The following GRIP1 variants were observed in gnomAD, a reference collection of about 807,000 sequenced individuals.
The protein encoded by GRIP1 is glutamate receptor interacting protein 1.
In GRIP1, 45 loss-of-function variants were observed where a neutral mutation model predicts 129.9. That is an observed-to-expected ratio of 0.35 (90% CI 0.27 to 0.44). GRIP1 has a LOEUF of 0.44. Ranked by LOEUF, GRIP1 falls within the 20% of genes least tolerant of loss-of-function variation. The pLI is 1.00. For missense variants in GRIP1, 1,196 were observed against 1,396.8 expected (o/e 0.86, Z 2.29); for synonymous variants, 530 against 520.8 (o/e 1.02, Z -0.24).
intron 9 of GRIP1, among the ~76,000 whole-genome samples, chr12:66,458,231 C>G (rs2059024830): frequency 6.6e-6 from 1 of 152,046 alleles, no homozygotes; most frequent in South Asian, 2.1e-4. Flanking sequence ...TCTCCACTTT[C>G]CTACTTCAAG....
At chr12:66,856,108 A>T (rs971356444) in intron 1 of GRIP1, among the ~76,000 whole-genome samples, 3 of 152,138 alleles carry the variant, frequency 2.0e-5, no homozygotes, top group African/African-American at 2.4e-5. Context: ...CCTGACAAAA[A>T]CAAGAAATGG....
At chr12:66,623,193 T>C (rs2065350380) in intron 1 of GRIP1, among the ~76,000 whole-genome samples, 1 of 152,200 alleles carries the variant, frequency 6.6e-6, no homozygotes, top group Admixed American at 6.5e-5. Flanking sequence ...GCATAACATT[T>C]AGAGATATAG....
At chr12:66,982,450 A>G (rs2042252749) in intron 1 of GRIP1, among the ~76,000 whole-genome samples, 1 of 152,156 alleles carries the variant, frequency 6.6e-6, no homozygotes, top group African/African-American at 2.4e-5. Flanking sequence ...AAGTGTTGTA[A>G]CTTTGCTTCC....
intron 16 of GRIP1, among the ~76,000 whole-genome samples, chr12:66,399,939 C>T (rs973103013): frequency 6.6e-6 from 1 of 151,904 alleles, no homozygotes. Context: ...TACTGCTGCA[C>T]GGTCATTTTA....
At chr12:66,935,229 T>C (rs1217977515) in intron 1 of GRIP1, among the ~76,000 whole-genome samples, 1 of 152,086 alleles carries the variant, frequency 6.6e-6, no homozygotes, top group African/African-American at 2.4e-5. Flanking sequence ...TAAGTTTCTG[T>C]TTGTTGTATA....
At chr12:66,466,524 A>G (rs574983351) in intron 7 of GRIP1, among the ~76,000 whole-genome samples, 20 of 152,332 alleles carry the variant, frequency 1.3e-4, no homozygotes, top group Admixed American at 1.2e-3. Context: ...TTTTCACAAT[A>G]TTTGTGTCAT....
chr12:66,798,152 C>T (rs914501669), intron 1 of GRIP1, among the ~76,000 whole-genome samples: 1 of 152,018 alleles, frequency 6.6e-6, no homozygotes, highest in Non-Finnish European at 1.5e-5. Context: ...AAATAGAAGC[C>T]TTGGTGATCT....
Position 66,348,135 on chromosome 12 carries a change from C to G in GRIP1, c.*884G>C, listed in dbSNP as rs2054058878. On this transcript the variant is annotated 3_prime_UTR_variant, in exon 25 of 25. Coordinates refer to ENST00000359742, the MANE Select transcript of GRIP1 (RefSeq NM_001366722.1). ...ATTTTTAAGTACATGTGCTGTACAC[C>G]CTCAATATTACCAGTTTTCAAAACA... 6.6e-6 allele frequency: 1 copy of G among 151,898 alleles called. No individual in the cohort carries two copies. The highest frequency in any genetic ancestry group is 1.5e-5 in the Non-Finnish European group (1 of 67,992). 9.4% of individuals were successfully genotyped at this position (151,898 alleles called of 1,614,324 possible).
At chr12:66,849,193 A>T (rs2039868987) in intron 1 of GRIP1, among the ~76,000 whole-genome samples, 1 of 151,990 alleles carries the variant, frequency 6.6e-6, no homozygotes, top group African/African-American at 2.4e-5. Flanking sequence ...TCAGTGCTGG[A>T]CTCACTCACA....
chr12:66,650,074 G>T (rs1408927497), intron 1 of GRIP1, among the ~76,000 whole-genome samples: 2 of 152,086 alleles, frequency 1.3e-5, no homozygotes, highest in Admixed American at 6.5e-5. Context: ...CGTGCCCAAC[G>T]GCAGCTGAAT....
At chr12:66,551,086 T>A (rs772020013) in intron 2 of GRIP1, among the ~76,000 whole-genome samples, 20 of 152,226 alleles carry the variant, frequency 1.3e-4, no homozygotes, top group Non-Finnish European at 2.8e-4. Flanking sequence ...TTGAATTTAA[T>A]TACTCTGATT....
At chr12:66,812,550 G>C (rs1287224638) in intron 1 of GRIP1, among the ~76,000 whole-genome samples, 1 of 152,218 alleles carries the variant, frequency 6.6e-6, no homozygotes, top group African/African-American at 2.4e-5. Flanking sequence ...TATGCGGTAG[G>C]TGTGAAACAG....
intron 1 of GRIP1, among the ~76,000 whole-genome samples, chr12:66,730,788 T>C (rs945482640): frequency 1.7e-4 from 26 of 151,806 alleles, no homozygotes; most frequent in Admixed American, 8.5e-4. Flanking sequence ...TACTGAACTG[T>C]TATGCAGGAA....
chr12:66,764,753 A>G (rs17102885), intron 1 of GRIP1, among the ~76,000 whole-genome samples: 1 of 152,072 alleles, frequency 6.6e-6, no homozygotes, highest in Non-Finnish European at 1.5e-5. Context: ...CCAGCCATAA[A>G]GAATGTCACT....
intron 5 of GRIP1, among the ~76,000 whole-genome samples, chr12:66,518,328 G>A (rs1431677390): frequency 6.6e-6 from 1 of 151,878 alleles, no homozygotes; most frequent in Non-Finnish European, 1.5e-5. Flanking sequence ...CAATCAAACT[G>A]ATCTAAAATA....
chr12:66,416,345 A>C (rs2057602809), intron 15 of GRIP1, among the ~76,000 whole-genome samples: 1 of 152,182 alleles, frequency 6.6e-6, no homozygotes, highest in Non-Finnish European at 1.5e-5. Context: ...ATGCATCTTA[A>C]AGAATCAGAA....
Position 66,371,931 on chromosome 12 carries a change from T to C in GRIP1, c.2779-4A>G, listed in dbSNP as rs2055527777. 4 of 1,587,154 alleles carry C rather than the reference T, an allele frequency of 2.5e-6. No homozygotes were observed. The highest frequency in any genetic ancestry group is 3.5e-6 in the Non-Finnish European group (4 of 1,159,126). ...TGCTCCCCGACATGATTGTTGCCTG[T>C]GGCATTGACAATTTTTAGAAACAAT... On this transcript the variant is annotated splice_region_variant and splice_polypyrimidine_tract_variant and intron_variant, in intron 22 of 24. Transcript: ENST00000359742.
chr12:66,809,662 CTTT>C (rs774288663), intron 1 of GRIP1, among the ~76,000 whole-genome samples: 5 of 141,900 alleles, frequency 3.5e-5, no homozygotes, highest in African/African-American at 5.2e-5. Flanking sequence ...CACAAAATGT[CTTT>C]TTTTTTTTTT....
In GRIP1 at chr12:66,462,930, C is replaced by G. The variant is rs201675670; in HGVS notation, c.1036G>C (p.Asp346His). The G allele has an allele frequency of 2.5e-5, 41 of 1,612,738 alleles. 1 individual carries two copies. The highest frequency in any genetic ancestry group is 5.0e-5 in the Admixed American group (3 of 59,940). ...HQTRLALKGP[D>H]HVKIQRSDRQ... ...TCCAGGTGGACCATCTCACCATGGTCGGGCCCCTTTAGGGCCAGCCGGGTC... is the reference window on the plus strand; with the variant it reads ...TCCAGGTGGACCATCTCACCATGGTGGGGCCCCTTTAGGGCCAGCCGGGTC... Residue 346 changes from aspartate to histidine, a missense_variant, in exon 9 of 25, where the codon GAC becomes CAC. By Grantham distance (81) the Asp-to-His change is moderately conservative. Around this residue, in one of 5 missense-constraint regions of GRIP1, gnomAD observed 508 missense variants for 587.0 expected, o/e 0.87. Transcript: ENST00000359742.
Sources: allele counts gnomAD v4.1 joint callset (sites outside exome capture counted in the v4.1 genomes callset), GRCh38; gene constraint gnomAD v4.1.1; regional missense constraint gnomAD v4.1.1; transcripts MANE v1.5; gene names NCBI Gene and HGNC (gene_info 2026-07-23, HGNC 2026-07-21).